The following ZFHX3 variants were observed in gnomAD, a reference collection of about 807,000 sequenced individuals.
ZFHX3 encodes the protein zinc finger homeobox 3.
Under a neutral mutation model 279.1 loss-of-function variants are expected in ZFHX3, and 42 were observed. The observed-to-expected ratio is 0.15, with a 90% CI of 0.12 to 0.19. ZFHX3 has a LOEUF of 0.19. Among genes scored for constraint, ZFHX3 ranks in the 10% least tolerant of loss-of-function variants. The probability of loss-of-function intolerance (pLI) is 1.00; values close to 1 mark genes in which losing one functional copy is unlikely to be tolerated. For synonymous variants in ZFHX3, 2,293 were observed against 1,957.8 expected (o/e 1.17, Z -4.52); for missense variants, 4,981 against 4,754.0 (o/e 1.05, Z -1.40).
intron 5 of ZFHX3, among the ~76,000 whole-genome samples, chr16:73,156,674 G>C (rs535898645): frequency 1.1e-4 from 16 of 152,128 alleles, no homozygotes; most frequent in Admixed American, 5.2e-4. Context: ...TCCCACTTTA[G>C]TCTCCCAAGT....
rs546311959 is a variant in ZFHX3 at position 72,944,904 on chromosome 16, T to A, written c.3216+5565A>T. Reference sequence around the variant, plus strand: ...AAAAAAGAGAATAAAAGTGCTATGGTTAATGGTTGCAAAACTGGTTTTTCA... The same window carrying A: ...AAAAAAGAGAATAAAAGTGCTATGGATAATGGTTGCAAAACTGGTTTTTCA... On this transcript the variant is annotated intron_variant, in intron 3 of 9. Transcript: ENST00000268489. 2.6e-5 allele frequency among the ~76,000 whole-genome samples: 4 copies of A among 152,278 alleles called. No homozygotes were observed. The South Asian group carries it at 8.3e-4, about 32-fold the overall frequency.
At chr16:73,283,533 G>C (rs1048061773) in intron 4 of ZFHX3, among the ~76,000 whole-genome samples, 2 of 152,036 alleles carry the variant, frequency 1.3e-5, no homozygotes, top group Non-Finnish European at 2.9e-5. Context: ...AACTAATGGG[G>C]GACCCAGATA....
intron 5 of ZFHX3, among the ~76,000 whole-genome samples, chr16:73,146,876 C>T (rs1022417404): frequency 2.0e-5 from 3 of 152,106 alleles, no homozygotes; most frequent in Non-Finnish European, 2.9e-5. Flanking sequence ...AGGCTGGTCT[C>T]GAACTCCTGG....
chr16:73,326,817 C>T (rs1165887693), intron 3 of ZFHX3, among the ~76,000 whole-genome samples: 1 of 152,166 alleles, frequency 6.6e-6, no homozygotes, highest in Non-Finnish European at 1.5e-5. Context: ...GCTATAGCCC[C>T]TATTTGGGTC....
chr16:73,855,334 G>T (rs1415808963), intron 1 of ZFHX3, among the ~76,000 whole-genome samples: 1 of 149,256 alleles, frequency 6.7e-6, no homozygotes, highest in East Asian at 2.0e-4. Flanking sequence ...AAATGGGCCA[G>T]ATCCACGATT....
chr16:73,094,466 G>C (rs1452326106), intron 7 of ZFHX3: 1 of 151,526 alleles, frequency 6.6e-6, no homozygotes, highest in African/African-American at 2.4e-5. Flanking sequence ...TCTTATTCCT[G>C]ACTTTGTAAG....
At chr16:73,186,821 C>T (rs1002901147) in intron 5 of ZFHX3, among the ~76,000 whole-genome samples, 13 of 152,272 alleles carry the variant, frequency 8.5e-5, no homozygotes, top group African/African-American at 3.1e-4. Flanking sequence ...CCTCAGAGGT[C>T]ATCACTCTTG....
At chr16:73,781,274 T>C (rs1353928615) in intron 1 of ZFHX3, among the ~76,000 whole-genome samples, 1 of 152,210 alleles carries the variant, frequency 6.6e-6, no homozygotes, top group Non-Finnish European at 1.5e-5. Flanking sequence ...GAATTTTACC[T>C]GAAGGCCTTT....
intron 7 of ZFHX3, among the ~76,000 whole-genome samples, chr16:73,128,294 A>G (rs746614661): frequency 6.6e-6 from 1 of 152,246 alleles, no homozygotes; most frequent in Non-Finnish European, 1.5e-5. Context: ...GAAAACAGCA[A>G]CAACAACAAA....
At chr16:73,400,286 A>G (rs1362033004) in intron 3 of ZFHX3, 1 of 152,218 alleles carries the variant, frequency 6.6e-6, no homozygotes, top group Non-Finnish European at 1.5e-5. Flanking sequence ...GCAAAATGCT[A>G]AAACTGTGGC....
At chr16:73,670,167 T>G (rs1018780516) in intron 2 of ZFHX3, among the ~76,000 whole-genome samples, 3 of 152,204 alleles carry the variant, frequency 2.0e-5, no homozygotes, top group Non-Finnish European at 2.9e-5. Context: ...GAGAAGTATC[T>G]CAATGCTGAC....
chr16:73,883,972 T>C (rs1481693736), intron 1 of ZFHX3, among the ~76,000 whole-genome samples: 1 of 152,130 alleles, frequency 6.6e-6, no homozygotes, highest in African/African-American at 2.4e-5. Flanking sequence ...CTAAATCAAG[T>C]TCCCTTCTTT....
chr16:73,755,994 C>A (rs1304280961), intron 1 of ZFHX3, among the ~76,000 whole-genome samples: 2 of 152,170 alleles, frequency 1.3e-5, no homozygotes, highest in Non-Finnish European at 2.9e-5. Context: ...CCACTCTCCA[C>A]CGCTTAGAGA....
At chr16:73,511,344 T>A (rs548174535) in intron 2 of ZFHX3, among the ~76,000 whole-genome samples, 4 of 152,230 alleles carry the variant, frequency 2.6e-5, no homozygotes, top group Non-Finnish European at 4.4e-5. Context: ...CCCCTATCAG[T>A]CCCCTGCTCT....
chr16:73,009,734 A>T (rs1007114903), intron 1 of ZFHX3, among the ~76,000 whole-genome samples: 5 of 152,050 alleles, frequency 3.3e-5, no homozygotes, highest in African/African-American at 1.2e-4. Context: ...AGAAACTCAC[A>T]AAGGGGCCAG....
At chr16:73,443,768 T>A (rs976423875) in intron 3 of ZFHX3, among the ~76,000 whole-genome samples, 1 of 152,120 alleles carries the variant, frequency 6.6e-6, no homozygotes, top group Non-Finnish European at 1.5e-5. Context: ...CTTTTTTTCT[T>A]TTTTTGGAGA....
intron 2 of ZFHX3, among the ~76,000 whole-genome samples, chr16:73,636,270 A>G (rs2052526330): frequency 6.6e-6 from 1 of 152,242 alleles, no homozygotes. Context: ...TACATGCTCA[A>G]CATAATGAAG....
intron 3 of ZFHX3, among the ~76,000 whole-genome samples, chr16:73,416,748 C>G (rs1044933775): frequency 1.4e-4 from 20 of 147,700 alleles, no homozygotes; most frequent in African/African-American, 3.6e-4. Context: ...GTGGCGGGCG[C>G]CTGTAGTCCC....
chr16:72,918,004 C>CCCA (rs2039483403), intron 3 of ZFHX3, among the ~76,000 whole-genome samples: 1 of 149,668 alleles, frequency 6.7e-6, no homozygotes, highest in South Asian at 2.2e-4. Flanking sequence ...AAGTTCCTTC[C>CCCA]CCAGGTTGAG....
Sources: gnomAD v4.1 joint callset for allele counts (sites outside exome capture counted in the v4.1 genomes callset) on GRCh38, gnomAD v4.1.1 for gene constraint, MANE v1.5 for transcripts, NCBI Gene and HGNC (gene_info 2026-07-23, HGNC 2026-07-21) for gene names.